PTPRA: variants seen among roughly 807,000 people sequenced by gnomAD.
PTPRA encodes protein tyrosine phosphatase receptor type A, also known as receptor-type tyrosine-protein phosphatase alpha.
PTPRA carries 25 observed loss-of-function variants against 104.8 expected under a neutral mutation model. That is an observed-to-expected ratio of 0.24 (90% CI 0.17 to 0.33). The LOEUF is 0.33. Ranked by LOEUF, PTPRA falls within the 10% of genes least tolerant of loss-of-function variation. The pLI, the probability that PTPRA is intolerant of heterozygous loss-of-function variation, is 1.00. For missense variants in PTPRA, 765 were observed against 1,015.3 expected (o/e 0.75, Z 3.35); for synonymous variants, 323 against 368.9 (o/e 0.88, Z 1.43).
In PTPRA at chr20:2,924,767, G is replaced by A. The variant is rs1479925463; in HGVS notation, c.-50+1482G>A. The stretch of plus-strand genomic sequence containing the variant: ...GTGATCTCAGCTCACTGCAACCTCC[G>A]CTTCCTGGGTTCAAGCAATTCTCCT... On this transcript the variant is annotated intron_variant, in intron 2 of 23. Transcript: ENST00000399903. Among the ~76,000 whole-genome samples, 4 of 152,064 alleles carry A rather than the reference G, an allele frequency of 2.6e-5. No homozygotes were observed. The South Asian group carries it at 6.2e-4, about 24-fold the overall frequency.
At chr20:2,901,605 CTGTTACTTATGTTATAT>C (rs954859734) in intron 1 of PTPRA, among the ~76,000 whole-genome samples, 12 of 152,034 alleles carry the variant, frequency 7.9e-5, no homozygotes, top group Non-Finnish European at 1.3e-4. Context: ...ATGAATGAAC[CTGTTACTTATGTTATAT>C]TGTTACTTAT....
At chr20:2,907,311 G>GA (rs200246403) in intron 1 of PTPRA, among the ~76,000 whole-genome samples, 82 of 140,040 alleles carry the variant, frequency 5.9e-4, no homozygotes, top group East Asian at 1.4e-3. Flanking sequence ...AAGCTGAAAA[G>GA]AAAAAAAAAA....
intron 2 of PTPRA, among the ~76,000 whole-genome samples, chr20:2,946,273 TC>T (rs1190072823): frequency 6.6e-6 from 1 of 151,962 alleles, no homozygotes; most frequent in Non-Finnish European, 1.5e-5. Context: ...TAATGAGCTT[TC>T]CCCCCAACCC....
At chr20:3,007,094 C>T (rs1038315481) in intron 10 of PTPRA, among the ~76,000 whole-genome samples, 1 of 152,134 alleles carries the variant, frequency 6.6e-6, no homozygotes, top group Non-Finnish European at 1.5e-5. Flanking sequence ...AAGAAACTTT[C>T]TTTTTTCTCA....
intron 9 of PTPRA, among the ~76,000 whole-genome samples, chr20:2,990,374 G>A (rs2063118224): frequency 6.6e-6 from 1 of 152,152 alleles, no homozygotes; most frequent in South Asian, 2.1e-4. Context: ...CCGGTCGTGA[G>A]CAAGGGAGAA....
chr20:2,903,829 T>A (rs576593960), intron 1 of PTPRA, among the ~76,000 whole-genome samples: 115 of 152,256 alleles, frequency 7.6e-4, no homozygotes, highest in South Asian at 1.5e-3. Flanking sequence ...GATGGCAGAT[T>A]TAGGAAGCTC....
intron 6 of PTPRA, among the ~76,000 whole-genome samples, chr20:2,975,952 A>G (rs2062415123): frequency 6.6e-6 from 1 of 152,172 alleles, no homozygotes; most frequent in African/African-American, 2.4e-5. Flanking sequence ...ATCAAATCAG[A>G]CTTGAGTTTT....
intron 1 of PTPRA, among the ~76,000 whole-genome samples, chr20:2,919,793 G>A (rs1197364545): frequency 1.3e-5 from 2 of 152,122 alleles, no homozygotes; most frequent in African/African-American, 4.8e-5. Flanking sequence ...GCTTGGCAAG[G>A]GGGTAGACCT....
chr20:2,910,159 C>G lies in PTPRA; in HGVS notation c.-128-13048C>G, dbSNP rs1568649580. On this transcript the variant is annotated intron_variant, in intron 1 of 23. Coordinates refer to ENST00000399903, the MANE Select transcript of PTPRA (RefSeq NM_001385305.1). ...ATATAACATCATATATACTATACGT[C>G]ATATATAATATGACGTATAGTATAT... Among the ~76,000 whole-genome samples, 4 of 111,736 alleles carry G rather than the reference C, an allele frequency of 3.6e-5. No homozygotes were observed. The East Asian group carries it at 9.4e-4, about 26-fold the overall frequency. 73.3% of individuals were successfully genotyped at this position (111,736 alleles called of 152,430 possible). A position where few individuals can be genotyped will look rare whatever the true frequency, so the allele number is the denominator to read the frequency against.
At chr20:2,874,315 GTCCCCTC>G (rs1568634610) in intron 1 of PTPRA, among the ~76,000 whole-genome samples, 2 of 151,588 alleles carry the variant, frequency 1.3e-5, no homozygotes, top group Non-Finnish European at 2.9e-5. Context: ...GAGAACGCAG[GTCCCCTC>G]CCTTTTTACT....
intron 1 of PTPRA, among the ~76,000 whole-genome samples, chr20:2,884,153 T>C (rs1322097001): frequency 2.6e-5 from 4 of 152,166 alleles, no homozygotes; most frequent in South Asian, 4.1e-4. Flanking sequence ...TTGATGAACA[T>C]TTATTTGTTT....
chr20:3,022,703 G>A lies in PTPRA; in HGVS notation c.1343G>A (p.Arg448His), dbSNP rs774357483. 5 of 1,614,022 alleles carry A rather than the reference G, an allele frequency of 3.1e-6. No homozygotes were observed. Among genetic ancestry groups the A allele is most frequent in the African/African-American group, 1.3e-5 (1 of 74,910 alleles). The change falls in exon 16 of 24, where the codon CGT becomes CAT. Residue 448 changes from arginine to histidine, a missense_variant. Arg to His is a conservative substitution (Grantham distance 29). Coordinates refer to ENST00000399903, the MANE Select transcript of PTPRA (RefSeq NM_001385305.1). This position sits in a 1 kb window ranked among gnomAD's most constrained non-coding sequence, Gnocchi z 4.6. The stretch of plus-strand genomic sequence containing the variant: ...TCTGGCTACAGTGCAGGTGTAGGGC[G>A]TACAGGTACCTTTGTCGTCATTGAT... ...IVVHCSAGVGRTGTFVVIDAM... is the reference protein window; with the variant it reads ...IVVHCSAGVGHTGTFVVIDAM...
At chr20:3,016,141 C>T (rs2148382746) in intron 12 of PTPRA, among the ~76,000 whole-genome samples, 1 of 152,264 alleles carries the variant, frequency 6.6e-6, no homozygotes, top group Admixed American at 6.5e-5. Context: ...GCTGTATACA[C>T]AAAACACAGT....
At chr20:2,994,717 T>G (rs1250904677) in intron 9 of PTPRA, among the ~76,000 whole-genome samples, 1 of 152,194 alleles carries the variant, frequency 6.6e-6, no homozygotes, top group Non-Finnish European at 1.5e-5. Context: ...CCTCACTAAA[T>G]CCAGCATTCA....
rs867858931 is a variant in PTPRA, at chr20:2,910,582, T to C, written c.-128-12625T>C. On this transcript the variant is annotated intron_variant, in intron 1 of 23. Transcript: ENST00000399903. Reference sequence around the variant, plus strand: ...GTGTGCTATCATGCCCAGCTAGTTTTTTTTTTGTTTTTTTTTTGTTTTTTT... The same window carrying C: ...GTGTGCTATCATGCCCAGCTAGTTTCTTTTTTGTTTTTTTTTTGTTTTTTT... Among the ~76,000 whole-genome samples, 520 of 73,266 alleles carry C rather than the reference T, an allele frequency of 7.1e-3. 4 individuals are homozygous for C. Among genetic ancestry groups the C allele is most frequent in the East Asian group, 0.014 (19 of 1,382 alleles). 48.1% of individuals were successfully genotyped at this position (73,266 alleles called of 152,430 possible).
At chr20:2,975,588 C>A (rs2062398358) in intron 6 of PTPRA, among the ~76,000 whole-genome samples, 1 of 152,108 alleles carries the variant, frequency 6.6e-6, no homozygotes, top group Admixed American at 6.5e-5. Flanking sequence ...GCCACAGTTC[C>A]CTTTAAATAT....
chr20:2,872,347 G>A (rs966555960), upstream of PTPRA, among the ~76,000 whole-genome samples: 1 of 152,222 alleles, frequency 6.6e-6, no homozygotes, highest in African/African-American at 2.4e-5. This position sits in a 1 kb window ranked among gnomAD's most constrained non-coding sequence, Gnocchi z 7.9. Context: ...CCTGGGGTGC[G>A]TGAGGGGGAC....
chr20:2,963,734 T>TGC (rs1407652027), intron 3 of PTPRA, among the ~76,000 whole-genome samples: 1 of 152,152 alleles, frequency 6.6e-6, no homozygotes, highest in Non-Finnish European at 1.5e-5. Flanking sequence ...TGGGACATTT[T>TGC]GGATTTCAAA....
At chr20:2,865,634 C>T in the PTPRA span, 1 of 790,148 alleles carries the variant, frequency 1.3e-6, no homozygotes, top group Non-Finnish European at 2.0e-6. This position sits in a 1 kb window ranked among gnomAD's most constrained non-coding sequence, Gnocchi z 5.2. Context: ...TTCCTGTATA[C>T]ACATTTGTGG....
Sources: gnomAD v4.1 joint callset for allele counts (sites outside exome capture counted in the v4.1 genomes callset) on GRCh38, gnomAD v4.1.1 for gene constraint, Gnocchi (gnomAD v3.1) non-coding constraint, MANE v1.5 for transcripts, NCBI Gene and HGNC (gene_info 2026-07-23, HGNC 2026-07-21) for gene names.